MCM3AP: variants seen among roughly 807,000 people sequenced by gnomAD.
MCM3AP encodes germinal-center associated nuclear protein.
MCM3AP carries 126 observed loss-of-function variants against 184.1 expected under a neutral mutation model. The observed-to-expected ratio is 0.68, with a 90% CI of 0.59 to 0.79. The LOEUF is 0.79. Among genes scored for constraint, MCM3AP ranks in the 30% least tolerant of loss-of-function variants. MCM3AP has a pLI of 0.00. For synonymous variants in MCM3AP, 1,002 were observed against 979.3 expected, an observed-to-expected ratio of 1.02 and a Z score of -0.43; for missense variants, 2,496 against 2,479.2, an observed-to-expected ratio of 1.01 and a Z score of -0.14.
In MCM3AP at chr21:46,239,327, C is replaced by T. The variant is rs897263647; in HGVS notation, c.5633+1484G>A. ...CTTGAAAGGCACCCACCAGGTCTACCAAGACTAAACTGCAGCCTACTGTAA... is the reference window on the plus strand; with the variant it reads ...CTTGAAAGGCACCCACCAGGTCTACTAAGACTAAACTGCAGCCTACTGTAA... On this transcript the variant is annotated intron_variant, in intron 26 of 27. Transcript: ENST00000291688. Among the ~76,000 whole-genome samples the T allele has an allele frequency of 2.4e-4, 36 of 152,176 alleles. 1 individual carries two copies. Among genetic ancestry groups the T allele is most frequent in the Non-Finnish European group, 7.4e-5 (5 of 68,024 alleles).
chr21:46,265,598 C>T, intron 11 of MCM3AP, 75 bp from the exon 12 acceptor site: 1 of 1,256,748 alleles, frequency 8.0e-7, no homozygotes, highest in Non-Finnish European at 1.1e-6. Flanking sequence ...GAGGTCTGTG[C>T]AGGGACAGCC....
At chr21:46,251,811 A>G (rs1221606314) in intron 19 of MCM3AP, 129 bp from the exon 20 acceptor site, 4 of 545,738 alleles carry the variant, frequency 7.3e-6, no homozygotes, top group South Asian at 2.4e-5. Context: ...CAAATACCAC[A>G]TCTTACTATG....
intron 15 of MCM3AP, 121 bp downstream of exon 15, chr21:46,260,672 A>G: frequency 3.0e-6 from 2 of 668,926 alleles, no homozygotes; most frequent in Non-Finnish European, 5.2e-6. Context: ...TCACAAAATC[A>G]AAGTAGCTTA....
intron 9 of MCM3AP, chr21:46,267,530 G>A (rs139616952): frequency 8.6e-5 from 15 of 175,284 alleles, no homozygotes; most frequent in Admixed American, 5.3e-4. Context: ...AACCAATCCC[G>A]TGGAATGACA....
At chr21:46,239,369 T>C (rs986490014) in intron 26 of MCM3AP, among the ~76,000 whole-genome samples, 2 of 152,226 alleles carry the variant, frequency 1.3e-5, no homozygotes, top group African/African-American at 2.4e-5. Context: ...AGAAGGAAGA[T>C]GATAGTGGCT....
intron 20 of MCM3AP, 192 bp from the exon 21 acceptor site, chr21:46,247,078 C>A: frequency 1.8e-6 from 1 of 563,226 alleles, no homozygotes; most frequent in Non-Finnish European, 3.1e-6. Context: ...TAATTCCTGG[C>A]CCCTCTTTCC....
chr21:46,254,605 A>G, intron 18 of MCM3AP, 79 bp from the exon 19 acceptor site: 2 of 1,563,764 alleles, frequency 1.3e-6, no homozygotes, highest in East Asian at 4.5e-5. Context: ...ATGAGCAGGA[A>G]GGGGCAGGTT....
In MCM3AP at chr21:46,256,901, C is replaced by A. The variant is rs755235768; in HGVS notation, c.3820G>T (p.Asp1274Tyr). 3 of 1,608,006 alleles carry A rather than the reference C, an allele frequency of 1.9e-6. No homozygotes were observed. The highest frequency in any genetic ancestry group is 1.7e-5 in the Admixed American group (1 of 59,096). ...PAAPCCVDVS[D>Y]RLRALAPSAE... The stretch of plus-strand genomic sequence containing the variant: ...CTGGGCGCCAGCGCCCTCAGCCGGT[C>A]GCTCACGTCCACGCAGCAGGGCGCA... The change falls in exon 17 of 28, where the codon GAC (aspartate) becomes TAC (tyrosine). Residue 1274 changes from aspartate to tyrosine, a missense_variant. Around this residue, in one of 5 missense-constraint regions of MCM3AP, gnomAD observed 1,323 missense variants for 1,273.4 expected, o/e 1.04. Coordinates refer to ENST00000291688, the MANE Select transcript of MCM3AP (RefSeq NM_003906.5).
intron 10 of MCM3AP, 31 bp downstream of exon 10, chr21:46,266,949 CAG>C (rs761338809): frequency 1.2e-6 from 2 of 1,610,130 alleles, no homozygotes; most frequent in African/African-American, 1.3e-5. Flanking sequence ...AAAAAGGAGA[CAG>C]GGGCCCCACA....
At chr21:46,263,550 G>A (rs886775973) in intron 13 of MCM3AP, among the ~76,000 whole-genome samples, 2 of 151,916 alleles carry the variant, frequency 1.3e-5, no homozygotes, top group Admixed American at 1.3e-4. Flanking sequence ...TTAGGAGGCT[G>A]AGGCAGGTGG....
At position 46,284,207 on chromosome 21, in the gene MCM3AP, G is replaced by C. The variant is rs758218803; in HGVS notation, c.1080C>G (p.Ala360=). Residue 360 remains alanine (A), a synonymous_variant, in exon 1 of 28, where the codon GCC becomes GCG. Transcript: ENST00000291688. ...ACTCAACAAAGCCAGTTTCCTTTTT[G>C]GCCTCCTTGTTGCCCAGACGACCTA... is the stretch of plus-strand genomic sequence containing the variant. ...KEVGRLGNKE[A]KKETGFVESA... 6.2e-7 allele frequency: 1 copy of C among 1,614,132 alleles called. No homozygotes were observed. The highest frequency in any genetic ancestry group is 8.5e-7 in the Non-Finnish European group (1 of 1,180,028).
intron 26 of MCM3AP, among the ~76,000 whole-genome samples, chr21:46,240,073 G>A (rs1215308408): frequency 6.6e-6 from 1 of 152,174 alleles, no homozygotes; most frequent in Non-Finnish European, 1.5e-5. Flanking sequence ...CATGTTTCAT[G>A]TCTGTGTGCT....
chr21:46,267,239 A>G (rs1353383283), intron 9 of MCM3AP, 97 bp from the exon 10 acceptor site: 22 of 1,190,702 alleles, frequency 1.8e-5, no homozygotes, highest in East Asian at 2.5e-5. Context: ...CGTGGGGCAC[A>G]TGGGCTCCTC....
chr21:46,245,279 G>C (rs2080746531), intron 22 of MCM3AP, 82 bp from the exon 23 acceptor site: 1 of 1,370,774 alleles, frequency 7.3e-7, no homozygotes, highest in Non-Finnish European at 9.9e-7. Context: ...ATCCCCCAAG[G>C]TTGCCCACAG....
chr21:46,241,994 T>TTA (rs2080674813), intron 25 of MCM3AP: 2 of 152,190 alleles, frequency 1.3e-5, no homozygotes, highest in African/African-American at 4.8e-5. Context: ...CTGTTCAGGT[T>TTA]TATTGTTGTG....
At position 46,284,543 on chromosome 21, in the gene MCM3AP, G is replaced by C; in HGVS notation, c.744C>G (p.Ser248Arg). The C allele has an allele frequency of 6.2e-7, 1 of 1,614,212 alleles. No individual in the cohort carries two copies. The highest frequency in any genetic ancestry group is 8.5e-7 in the Non-Finnish European group (1 of 1,180,036). ...CAGATGATACAGGGAAGCTACTGAAGCTATTATTAGAACTTCCAAATATTG... is the reference window on the plus strand; with the variant it reads ...CAGATGATACAGGGAAGCTACTGAACCTATTATTAGAACTTCCAAATATTG... ...PKSIFGSSNN[S>R]FSSFPVSSAV... Residue 248 changes from serine to arginine, a missense_variant, in exon 1 of 28, where the codon AGC (serine) becomes AGG (arginine). By Grantham distance (110) the Ser-to-Arg change is moderately radical. This residue lies in a region of MCM3AP where 800 missense variants were observed against 717.1 expected (regional missense o/e 1.12). Coordinates refer to ENST00000291688, the MANE Select transcript of MCM3AP (RefSeq NM_003906.5).
intron 16 of MCM3AP, among the ~76,000 whole-genome samples, chr21:46,257,469 C>T (rs2014230): frequency 1 from 123,857 of 123,874 alleles, 61,920 homozygotes; most frequent in Middle Eastern, 1. Context: ...AGCAAGGCTC[C>T]GTCTCAAAAA....
Position 46,254,821 on chromosome 21 carries a change from GTCT to G in MCM3AP, c.3953_3955del (p.Lys1318del). ...GTGCTGAACCTTCATCTGGTGAGCTGTCTTGTTTCTGAGCCGCCTTAACCTGCA... is the reference window on the plus strand; with the variant it reads ...GTGCTGAACCTTCATCTGGTGAGCTGTGTTTCTGAGCCGCCTTAACCTGCA... On this transcript the variant is annotated inframe_deletion, in exon 18 of 28. Coordinates refer to ENST00000291688, the MANE Select transcript of MCM3AP (RefSeq NM_003906.5). 1 of 1,614,120 alleles carries G rather than the reference GTCT, an allele frequency of 6.2e-7. No individual in the cohort carries two copies. Among genetic ancestry groups the G allele is most frequent in the Non-Finnish European group, 8.5e-7 (1 of 1,179,998 alleles).
intron 15 of MCM3AP, among the ~76,000 whole-genome samples, chr21:46,260,279 G>C (rs556014069): frequency 5.5e-4 from 84 of 152,284 alleles, no homozygotes; most frequent in African/African-American, 1.9e-3. Flanking sequence ...AAAATAGTCA[G>C]AATTTTTAAT....
Sources: allele counts gnomAD v4.1 joint callset (sites outside exome capture counted in the v4.1 genomes callset), GRCh38; gene constraint gnomAD v4.1.1; regional missense constraint gnomAD v4.1.1; transcripts MANE v1.5; gene names NCBI Gene and HGNC (gene_info 2026-07-23, HGNC 2026-07-21).